SEMA3C: variants seen among roughly 807,000 people sequenced by gnomAD.
SEMA3C encodes semaphorin-3C.
A neutral mutation model predicts 89.4 loss-of-function variants in SEMA3C; 47 were observed. The ratio of observed to expected loss-of-function variants is 0.53; its 90% CI spans 0.42 to 0.67. The LOEUF (loss-of-function observed/expected upper bound fraction) is 0.67. Among genes scored for constraint, SEMA3C ranks in the 30% least tolerant of loss-of-function variants. The probability of loss-of-function intolerance (pLI) is 0.00; values close to 1 mark genes in which losing one functional copy is unlikely to be tolerated. For synonymous variants in SEMA3C, 310 were observed against 320.2 expected (o/e 0.97, Z 0.34); for missense variants, 839 against 929.1 (o/e 0.90, Z 1.26).
intron 2 of SEMA3C, among the ~76,000 whole-genome samples, chr7:80,850,301 T>C (rs1299101700): frequency 6.6e-6 from 1 of 152,198 alleles, no homozygotes. Flanking sequence ...TTTCTAGTTA[T>C]ATACCAAAAG....
chr7:80,872,106 T>C (rs1791072287), intron 2 of SEMA3C, among the ~76,000 whole-genome samples: 1 of 152,108 alleles, frequency 6.6e-6, no homozygotes, highest in Non-Finnish European at 1.5e-5. Flanking sequence ...TTTTACAAAA[T>C]TAGTGAGAAG....
chr7:80,827,986 C>G (rs1359265665), intron 3 of SEMA3C, among the ~76,000 whole-genome samples: 1 of 141,852 alleles, frequency 7.0e-6, no homozygotes, highest in Admixed American at 7.1e-5. Context: ...AAATACTGTG[C>G]TAGTACTCTA....
chr7:80,863,856 C>CATATGTATCACATAT (rs911697693), intron 2 of SEMA3C, among the ~76,000 whole-genome samples: 1 of 136,742 alleles, frequency 7.3e-6, no homozygotes, highest in African/African-American at 2.9e-5. Context: ...ATATCACATA[C>CATATGTATCACATAT]ATATGTATCA....
chr7:80,843,986 C>A (rs1006754618), intron 2 of SEMA3C, among the ~76,000 whole-genome samples: 13 of 152,068 alleles, frequency 8.5e-5, no homozygotes, highest in Admixed American at 7.2e-4. Context: ...TTACTCTCTA[C>A]AAAAATGTTA....
chr7:80,921,585 T>C (rs570332037), upstream of SEMA3C, among the ~76,000 whole-genome samples: 2 of 152,326 alleles, frequency 1.3e-5, no homozygotes, highest in South Asian at 4.1e-4. Context: ...CAACAGCTAA[T>C]TGAGAACGCT....
At chr7:80,801,383 A>G (rs1008567402) in intron 9 of SEMA3C, among the ~76,000 whole-genome samples, 3 of 152,092 alleles carry the variant, frequency 2.0e-5, no homozygotes, top group African/African-American at 7.2e-5. Context: ...TGCTAGTGAT[A>G]CTTTTATTTA....
At chr7:80,748,322 T>C (rs936896018) in intron 17 of SEMA3C, among the ~76,000 whole-genome samples, 1 of 152,192 alleles carries the variant, frequency 6.6e-6, no homozygotes, top group African/African-American at 2.4e-5. Flanking sequence ...TTTCAGTAAG[T>C]GTCTTTTTAT....
At chr7:80,757,850 C>A (rs1020771266) in intron 15 of SEMA3C, among the ~76,000 whole-genome samples, 2 of 152,070 alleles carry the variant, frequency 1.3e-5, no homozygotes, top group African/African-American at 4.8e-5. Context: ...ACCTGTAATC[C>A]CAGCTACTCG....
Position 80,918,962 on chromosome 7 carries a change from C to G in SEMA3C, c.-173G>C. 1 of 985,430 alleles carries G rather than the reference C, an allele frequency of 1.0e-6. No homozygotes were observed. The highest frequency in any genetic ancestry group is 1.2e-6 in the Non-Finnish European group (1 of 829,936). The allele number at this position is 985,430 out of a possible 1,614,324, so 61.0% of individuals were successfully genotyped here. On this transcript the variant is annotated 5_prime_UTR_variant, in exon 1 of 18. Transcript: ENST00000265361. ...AAGGTGAAATTCTTTCTTCCCGGTC[C>G]TCTGAGTTTCTTTGTAAAGGAATCT... is the stretch of plus-strand genomic sequence containing the variant.
At chr7:80,863,430 G>A (rs996396346) in intron 2 of SEMA3C, among the ~76,000 whole-genome samples, 5 of 151,412 alleles carry the variant, frequency 3.3e-5, no homozygotes, top group African/African-American at 4.9e-5. Context: ...TAGTACAGCC[G>A]CTATGGAAAA....
At chr7:80,868,806 G>A (rs551813843) in intron 2 of SEMA3C, among the ~76,000 whole-genome samples, 2 of 152,204 alleles carry the variant, frequency 1.3e-5, no homozygotes, top group East Asian at 3.9e-4. Context: ...GCCCATTACT[G>A]AGGATATACC....
intron 6 of SEMA3C, among the ~76,000 whole-genome samples, chr7:80,807,202 T>C (rs1259419299): frequency 6.6e-6 from 1 of 152,186 alleles, no homozygotes; most frequent in Non-Finnish European, 1.5e-5. Flanking sequence ...GTATATTCAA[T>C]TAACCATTAA....
intron 6 of SEMA3C, among the ~76,000 whole-genome samples, chr7:80,809,316 C>T (rs966716566): frequency 2.0e-5 from 3 of 152,140 alleles, no homozygotes; most frequent in Non-Finnish European, 4.4e-5. Flanking sequence ...TTGGCTAACA[C>T]GTGCACTTTG....
chr7:80,822,036 T>C (rs185401860), intron 4 of SEMA3C, among the ~76,000 whole-genome samples: 63 of 152,344 alleles, frequency 4.1e-4, no homozygotes, highest in African/African-American at 1.4e-3. Flanking sequence ...ATTTCCATTG[T>C]GCTGCCTTCG....
chr7:80,879,051 T>C (rs750046159), intron 2 of SEMA3C, among the ~76,000 whole-genome samples: 5 of 152,002 alleles, frequency 3.3e-5, no homozygotes, highest in African/African-American at 9.7e-5. Context: ...GGTCCCTTCA[T>C]TGAGGTAGTG....
At chr7:80,746,336 A>C (rs1787798929) in intron 17 of SEMA3C, among the ~76,000 whole-genome samples, 1 of 152,130 alleles carries the variant, frequency 6.6e-6, no homozygotes, top group African/African-American at 2.4e-5. Flanking sequence ...AAAAGAGAGA[A>C]TCACTTGGAG....
At chr7:80,817,937 C>A (rs1252144683) in intron 5 of SEMA3C, among the ~76,000 whole-genome samples, 2 of 151,914 alleles carry the variant, frequency 1.3e-5, no homozygotes, top group Non-Finnish European at 2.9e-5. Flanking sequence ...GTATTACATT[C>A]AAGTAATCTT....
chr7:80,753,559 AAGGC>A (rs1377295814), intron 15 of SEMA3C, among the ~76,000 whole-genome samples: 1 of 152,218 alleles, frequency 6.6e-6, no homozygotes, highest in African/African-American at 2.4e-5. Context: ...TGAGATCAGC[AAGGC>A]AGCCATCTGA....
At chr7:80,807,206 C>T (rs1191412663) in intron 6 of SEMA3C, among the ~76,000 whole-genome samples, 2 of 151,898 alleles carry the variant, frequency 1.3e-5, no homozygotes, top group African/African-American at 4.8e-5. Context: ...ATTCAATTAA[C>T]CATTAAACTG....
Sources: gnomAD v4.1 joint callset for allele counts (sites outside exome capture counted in the v4.1 genomes callset) on GRCh38, gnomAD v4.1.1 for gene constraint, MANE v1.5 for transcripts, NCBI Gene and HGNC (gene_info 2026-07-23, HGNC 2026-07-21) for gene names.